Variants in AGAP1 observed in about 807,000 individuals in gnomAD.
The protein encoded by AGAP1 is arf-GAP with GTPase, ANK repeat and PH domain-containing protein 1.
A neutral mutation model predicts 105.3 loss-of-function variants in AGAP1; 29 were observed. That is an observed-to-expected ratio of 0.28 (90% CI 0.21 to 0.38). AGAP1 has a LOEUF of 0.38. AGAP1 is among the 10% of genes least tolerant of loss of function. The probability of loss-of-function intolerance (pLI) is 1.00; values close to 1 mark genes in which losing one functional copy is unlikely to be tolerated. For missense variants in AGAP1, 998 were observed against 1,165.1 expected (o/e 0.86, Z 2.09); for synonymous variants, 509 against 485.9 (o/e 1.05, Z -0.63).
At chr2:235,498,133 T>C (rs1941401387) in intron 1 of AGAP1, among the ~76,000 whole-genome samples, 2 of 152,300 alleles carry the variant, frequency 1.3e-5, no homozygotes, top group Middle Eastern at 6.8e-3. Flanking sequence ...GGACTAAACA[T>C]ATTTTAGTTG....
At chr2:235,972,428 G>T (rs1279122878) in intron 13 of AGAP1, among the ~76,000 whole-genome samples, 3 of 152,200 alleles carry the variant, frequency 2.0e-5, no homozygotes, top group Non-Finnish European at 4.4e-5. Context: ...GGGCTCCCCG[G>T]CTGGTTCGCC....
At chr2:236,099,840 G>C (rs1343828712) in intron 16 of AGAP1, among the ~76,000 whole-genome samples, 20 of 152,136 alleles carry the variant, frequency 1.3e-4, no homozygotes, top group Non-Finnish European at 8.8e-5. Context: ...AGGAGTTCGA[G>C]ACCAGCTTAA....
chr2:235,511,457 C>A (rs1007736433), intron 1 of AGAP1, among the ~76,000 whole-genome samples: 3 of 152,084 alleles, frequency 2.0e-5, no homozygotes, highest in Non-Finnish European at 4.4e-5. Flanking sequence ...TCTAGGAAAC[C>A]GGCTTCTCTG....
intron 1 of AGAP1, among the ~76,000 whole-genome samples, chr2:235,564,450 T>C (rs1437165464): frequency 1.3e-5 from 2 of 152,166 alleles, no homozygotes; most frequent in African/African-American, 2.4e-5. Context: ...TCCCTGCAAA[T>C]TCCATGGAGC....
intron 12 of AGAP1, among the ~76,000 whole-genome samples, chr2:235,938,541 T>G (rs911815825): frequency 6.6e-6 from 1 of 152,192 alleles, no homozygotes; most frequent in Non-Finnish European, 1.5e-5. Context: ...GAAACAGAGA[T>G]AAAATCTTGA....
rs544641993 is a variant in AGAP1 at position 235,944,795 on chromosome 2, C to T, written c.1483+13872C>T. On this transcript the variant is annotated intron_variant, in intron 12 of 17. Transcript: ENST00000304032. ...GCAGTGGCAGCGACAGCAAGACAGG[C>T]GGGTCAGGCCCCCAGATGAGATTTG... 1.7e-4 allele frequency among the ~76,000 whole-genome samples: 26 copies of T among 152,224 alleles called. No homozygotes were observed. The East Asian group carries it at 4.7e-3, about 27-fold the overall frequency.
At chr2:235,808,573 A>G (rs147135921) in intron 9 of AGAP1, among the ~76,000 whole-genome samples, 310 of 152,272 alleles carry the variant, frequency 2.0e-3, no homozygotes, top group African/African-American at 7.0e-3. Context: ...CCCAGGAACT[A>G]CTGCAAAAAC....
chr2:235,571,934 G>T (rs1361466206), intron 1 of AGAP1, among the ~76,000 whole-genome samples: 3 of 107,058 alleles, frequency 2.8e-5, no homozygotes, highest in Non-Finnish European at 5.2e-5. Context: ...CCCACACTTT[G>T]TGTGTGTGTG....
chr2:235,669,354 CA>C (rs1389325867), intron 1 of AGAP1, among the ~76,000 whole-genome samples: 11 of 152,196 alleles, frequency 7.2e-5, no homozygotes, highest in Non-Finnish European at 1.3e-4. Flanking sequence ...GCAGGTGAGA[CA>C]TGCCCCTCGT....
intron 9 of AGAP1, among the ~76,000 whole-genome samples, chr2:235,881,715 C>T (rs2106620676): frequency 6.6e-6 from 1 of 152,302 alleles, no homozygotes; most frequent in South Asian, 2.1e-4. Flanking sequence ...AAAGGGAAAC[C>T]TGTCAAGGTA....
intron 13 of AGAP1, among the ~76,000 whole-genome samples, chr2:236,010,829 C>T (rs2056485417): frequency 6.6e-6 from 1 of 152,148 alleles, no homozygotes; most frequent in African/African-American, 2.4e-5. Context: ...TCTGCATTGT[C>T]TTAACCTGAG....
rs774454659 is a variant in AGAP1 at position 236,035,222 on chromosome 2, GT to G, written c.1646-1338del. Among the ~76,000 whole-genome samples, 3 of 152,208 alleles carry G rather than the reference GT, an allele frequency of 2.0e-5. No individual in the cohort carries two copies. The highest frequency in any genetic ancestry group is 4.4e-5 in the Non-Finnish European group (3 of 68,038). On this transcript the variant is annotated intron_variant, in intron 13 of 17. Coordinates refer to ENST00000304032, the MANE Select transcript of AGAP1 (RefSeq NM_001037131.3). The surrounding 1 kb of genome is among the most constrained non-coding windows in gnomAD (Gnocchi z 4.2). ...AGTAAAGTGGTTGGCAGGCAGGTAG[GT>G]GAAAGTCAGTACTAATAATAGTTGC...
chr2:236,057,214 T>G (rs922146860), intron 16 of AGAP1, among the ~76,000 whole-genome samples: 1 of 152,180 alleles, frequency 6.6e-6, no homozygotes, highest in Non-Finnish European at 1.5e-5. Flanking sequence ...GTTCAAGTGA[T>G]TCTCCTACCT....
At chr2:235,767,102 G>A (rs1302287223) in intron 6 of AGAP1, among the ~76,000 whole-genome samples, 1 of 152,018 alleles carries the variant, frequency 6.6e-6, no homozygotes, top group South Asian at 2.1e-4. Context: ...GTAGAAATGG[G>A]ATTTCGACAT....
chr2:235,950,148 T>TG (rs1345182599), intron 12 of AGAP1, among the ~76,000 whole-genome samples: 1 of 152,006 alleles, frequency 6.6e-6, no homozygotes, highest in African/African-American at 2.4e-5. Flanking sequence ...GGGGTGAGTG[T>TG]AAAAGTCTAG....
At position 236,124,132 on chromosome 2, in the gene AGAP1, G is replaced by A. The variant is rs141859229; in HGVS notation, c.*10G>A. ...GCCCACCATCATCTGAGGAACAGCC[G>A]TGCCCGCCTGCTCGCCGCACCTGGG... On this transcript the variant is annotated 3_prime_UTR_variant, in exon 18 of 18. Transcript: ENST00000304032. This position sits in a 1 kb window ranked among gnomAD's most constrained non-coding sequence, Gnocchi z 5.1. 2.0e-3 allele frequency: 3,218 copies of A among 1,611,064 alleles called. 6 individuals are homozygous for A. Among genetic ancestry groups the A allele is most frequent in the East Asian group, 2.2e-3 (100 of 44,732 alleles).
rs1190789747 is a variant in AGAP1 at position 235,741,024 on chromosome 2, T to C, written c.372T>C (p.Asp124=). 8.7e-6 allele frequency: 14 copies of C among 1,613,994 alleles called. No individual in the cohort carries two copies. Among genetic ancestry groups the C allele is most frequent in the Non-Finnish European group, 5.9e-6 (7 of 1,179,978 alleles). The change falls in exon 4 of 18, where the codon GAT becomes GAC. Residue 124 remains aspartate, a synonymous_variant. Transcript: ENST00000304032. The surrounding 1 kb of genome is among the most constrained non-coding windows in gnomAD (Gnocchi z 4.9). Reference sequence around the variant, plus strand: ...AGAGCTATCTGCTGCTGATCAGAGATGAAGGGGGCCCCCCGGAGGCGCAGG... The same window carrying C: ...AGAGCTATCTGCTGCTGATCAGAGACGAAGGGGGCCCCCCGGAGGCGCAGG... ...DGQSYLLLIR[D]EGGPPEAQFA...
In AGAP1 at chr2:236,082,422, C is replaced by T. The variant is rs2058810476; in HGVS notation, c.2114+33141C>T. On this transcript the variant is annotated intron_variant, in intron 16 of 17. Transcript: ENST00000304032. This position sits in a 1 kb window ranked among gnomAD's most constrained non-coding sequence, Gnocchi z 4.2. ...AGGCATGTGGTGGGAGCTCACCCAC[C>T]AGGTCCTGCTACGGGGCCGCTGCCC... is the stretch of plus-strand genomic sequence containing the variant. Among the ~76,000 whole-genome samples, 1 of 152,206 alleles carries T rather than the reference C, an allele frequency of 6.6e-6. No homozygotes were observed. The highest frequency in any genetic ancestry group is 6.5e-5 in the Admixed American group (1 of 15,282).
chr2:236,048,045 C>T lies in AGAP1; in HGVS notation c.1892-1014C>T, dbSNP rs184357639. ...TTGCCATTTATAAAACAAAGGATGT[C>T]TCCCCAGTGAGTCAAATGTGACCTA... is the stretch of plus-strand genomic sequence containing the variant. On this transcript the variant is annotated intron_variant, in intron 15 of 17. Transcript: ENST00000304032. Among the ~76,000 whole-genome samples the T allele has an allele frequency of 7.2e-5, 11 of 152,328 alleles. No homozygotes were observed. The East Asian group carries it at 2.1e-3, about 29-fold the overall frequency.
Sources: gnomAD v4.1 joint callset for allele counts (sites outside exome capture counted in the v4.1 genomes callset) on GRCh38, gnomAD v4.1.1 for gene constraint, Gnocchi (gnomAD v3.1) non-coding constraint, MANE v1.5 for transcripts, NCBI Gene and HGNC (gene_info 2026-07-23, HGNC 2026-07-21) for gene names.